The following DPP10 variants were observed in gnomAD, a reference collection of about 807,000 sequenced individuals.
DPP10 encodes inactive dipeptidyl peptidase 10.
A neutral mutation model predicts 120.9 loss-of-function variants in DPP10; 33 were observed. The observed-to-expected ratio is 0.27, with a 90% CI of 0.21 to 0.37. The LOEUF is 0.37. DPP10 is among the 10% of genes least tolerant of loss of function. The probability of loss-of-function intolerance (pLI) is 1.00; values close to 1 mark genes in which losing one functional copy is unlikely to be tolerated. For missense variants in DPP10, 816 were observed against 942.8 expected (o/e 0.87, Z 1.76); for synonymous variants, 337 against 326.1 (o/e 1.03, Z -0.36).
chr2:114,491,482 G>T (rs1007892912), intron 1 of DPP10, among the ~76,000 whole-genome samples: 6 of 152,166 alleles, frequency 3.9e-5, no homozygotes, highest in Non-Finnish European at 8.8e-5. Context: ...GAAGGGAGGA[G>T]AATGTTTCTT....
intron 3 of DPP10, among the ~76,000 whole-genome samples, chr2:115,381,252 C>G (rs10190922): frequency 1.3e-5 from 2 of 152,014 alleles, no homozygotes; most frequent in Admixed American, 6.5e-5. Flanking sequence ...TTGCTCGTAT[C>G]TTTTTATTCT....
Position 115,819,691 on chromosome 2 carries a change from T to C in DPP10, c.1950+3962T>C, listed in dbSNP as rs149045628. 3.9e-5 allele frequency among the ~76,000 whole-genome samples: 6 copies of C among 152,312 alleles called. 1 individual carries two copies. In the East Asian group the frequency reaches 1.2e-3, roughly 29 times the overall value. ...TCTAGCTTATTAATTTTTCATTCTT[T>C]CTTTCAAATACAAGCACTTAGGCTG... On this transcript the variant is annotated intron_variant, in intron 21 of 25. Transcript: ENST00000410059.
intron 1 of DPP10, among the ~76,000 whole-genome samples, chr2:114,916,489 T>C (rs1694811910): frequency 6.6e-6 from 1 of 152,216 alleles, no homozygotes; most frequent in African/African-American, 2.4e-5. Flanking sequence ...AGCATTGTTT[T>C]GGTACCAAAA....
chr2:115,667,288 C>G (rs2089529269), intron 5 of DPP10, among the ~76,000 whole-genome samples: 1 of 152,060 alleles, frequency 6.6e-6, no homozygotes, highest in Admixed American at 6.6e-5. Flanking sequence ...AATACTTTCT[C>G]CAGTCTGTAG....
chr2:114,696,799 A>G (rs1409245283), intron 1 of DPP10, among the ~76,000 whole-genome samples: 8 of 152,046 alleles, frequency 5.3e-5, no homozygotes, highest in Non-Finnish European at 1.0e-4. Context: ...GGCAAAAGCC[A>G]TATCGCTTGA....
chr2:115,383,979 A>G (rs960295793), intron 3 of DPP10, among the ~76,000 whole-genome samples: 8 of 152,210 alleles, frequency 5.3e-5, no homozygotes, highest in African/African-American at 1.2e-4. Context: ...TGTCTAACCA[A>G]TAGACAAACC....
chr2:114,742,762 G>A (rs1678191228), intron 1 of DPP10, among the ~76,000 whole-genome samples: 1 of 152,142 alleles, frequency 6.6e-6, no homozygotes, highest in African/African-American at 2.4e-5. Context: ...ATCCCACCAT[G>A]TACATAATCA....
intron 3 of DPP10, among the ~76,000 whole-genome samples, chr2:115,378,480 G>T (rs373764379): frequency 6.6e-6 from 1 of 151,712 alleles, no homozygotes; most frequent in Non-Finnish European, 1.5e-5. Flanking sequence ...TCTAGATATA[G>T]AATCATGTCA....
At chr2:115,785,404 G>A (rs1209779862) in intron 17 of DPP10, among the ~76,000 whole-genome samples, 1 of 152,182 alleles carries the variant, frequency 6.6e-6, no homozygotes, top group Non-Finnish European at 1.5e-5. Context: ...AGCTTCAGTA[G>A]GATTAGTAGC....
intron 1 of DPP10, among the ~76,000 whole-genome samples, chr2:114,445,918 T>C (rs1043906661): frequency 1.3e-5 from 2 of 152,156 alleles, no homozygotes; most frequent in Non-Finnish European, 2.9e-5. Flanking sequence ...AAATGCTGAA[T>C]GCAATTCACT....
At chr2:115,135,648 G>A (rs1458952923) in intron 1 of DPP10, among the ~76,000 whole-genome samples, 1 of 152,134 alleles carries the variant, frequency 6.6e-6, no homozygotes, top group Non-Finnish European at 1.5e-5. Flanking sequence ...TCCTGGAGAG[G>A]TTGAACTGAA....
At chr2:115,726,634 T>TA (rs1381035830) in intron 7 of DPP10, among the ~76,000 whole-genome samples, 1 of 152,086 alleles carries the variant, frequency 6.6e-6, no homozygotes, top group Non-Finnish European at 1.5e-5. Flanking sequence ...ACCTGTGGTA[T>TA]AAAAAAGATC....
At chr2:115,548,729 G>A (rs961663197) in intron 5 of DPP10, among the ~76,000 whole-genome samples, 7 of 152,096 alleles carry the variant, frequency 4.6e-5, no homozygotes. Context: ...TGTTTGATAT[G>A]TCCATGATAT....
At position 114,992,600 on chromosome 2, in the gene DPP10, C is replaced by T. The variant is rs558948386; in HGVS notation, c.61-316639C>T. Among the ~76,000 whole-genome samples the T allele has an allele frequency of 3.3e-5, 5 of 152,296 alleles. No homozygotes were observed. In the South Asian group the frequency reaches 1.0e-3, roughly 32 times the overall value. ...TAATTAAGACTGCCCTCTCCACTCC[C>T]CACACAGCTGAGATTTTTGCACCCA... is the stretch of plus-strand genomic sequence containing the variant. On this transcript the variant is annotated intron_variant, in intron 1 of 25. Coordinates refer to ENST00000410059, the MANE Select transcript of DPP10 (RefSeq NM_020868.6).
intron 1 of DPP10, among the ~76,000 whole-genome samples, chr2:115,275,512 T>G (rs950786692): frequency 6.6e-6 from 1 of 152,124 alleles, no homozygotes; most frequent in Non-Finnish European, 1.5e-5. Context: ...TTAAAGAGTT[T>G]AAGGGACTTT....
At chr2:115,326,543 G>A (rs2062376109) in intron 2 of DPP10, among the ~76,000 whole-genome samples, 1 of 151,866 alleles carries the variant, frequency 6.6e-6, no homozygotes, top group Non-Finnish European at 1.5e-5. Context: ...TGTTCTTCAG[G>A]AGGTATTCCA....
chr2:114,583,881 A>G (rs569663741), intron 1 of DPP10, among the ~76,000 whole-genome samples: 1 of 152,170 alleles, frequency 6.6e-6, no homozygotes, highest in Admixed American at 6.5e-5. Flanking sequence ...CACTGTTATG[A>G]ATCCTTGCTT....
At chr2:115,399,324 A>AACAACACAG (rs2067899437) in intron 3 of DPP10, among the ~76,000 whole-genome samples, 1 of 152,074 alleles carries the variant, frequency 6.6e-6, no homozygotes, top group Non-Finnish European at 1.5e-5. Context: ...CATGTATGCA[A>AACAACACAG]TTCAACAACA....
intron 5 of DPP10, among the ~76,000 whole-genome samples, chr2:115,538,140 A>T (rs558867237): frequency 1.1e-4 from 17 of 152,130 alleles, no homozygotes; most frequent in Non-Finnish European, 1.8e-4. Context: ...CATGAAATTC[A>T]AGAGATGAGA....
Sources: allele counts gnomAD v4.1 joint callset (sites outside exome capture counted in the v4.1 genomes callset), GRCh38; gene constraint gnomAD v4.1.1; transcripts MANE v1.5; gene names NCBI Gene and HGNC (gene_info 2026-07-23, HGNC 2026-07-21).